Variants in ADK observed in about 807,000 individuals in gnomAD.
The protein encoded by ADK is adenosine kinase, also known as N6,N6-dimethyladenosine kinase.
A neutral mutation model predicts 44.7 loss-of-function variants in ADK; 24 were observed. That is an observed-to-expected ratio of 0.54 (90% CI 0.39 to 0.76). The LOEUF (loss-of-function observed/expected upper bound fraction) is 0.76. ADK is among the 30% of genes least tolerant of loss of function. The pLI is 0.00. For missense variants in ADK, 321 were observed against 425.1 expected, an observed-to-expected ratio of 0.76 and a Z score of 2.15; for synonymous variants, 128 against 142.6, an observed-to-expected ratio of 0.90 and a Z score of 0.73.
intron 6 of ADK, among the ~76,000 whole-genome samples, chr10:74,451,885 T>A (rs896223896): frequency 8.5e-5 from 13 of 152,204 alleles, no homozygotes; most frequent in Admixed American, 8.5e-4. Flanking sequence ...ATGATTACAT[T>A]AATAATTATT....
intron 3 of ADK, among the ~76,000 whole-genome samples, chr10:74,294,968 A>G (rs1235307868): frequency 6.6e-6 from 1 of 151,796 alleles, no homozygotes; most frequent in Non-Finnish European, 1.5e-5. Context: ...TGATTCTCCC[A>G]CCTCAGCCTC....
intron 4 of ADK, among the ~76,000 whole-genome samples, chr10:74,362,247 G>A (rs912542963): frequency 1.3e-5 from 2 of 151,536 alleles, no homozygotes; most frequent in African/African-American, 4.8e-5. Context: ...AAGCTTGCTT[G>A]CTTCCTTTTC....
intron 6 of ADK, among the ~76,000 whole-genome samples, chr10:74,495,317 T>C (rs1479287953): frequency 6.6e-6 from 1 of 152,114 alleles, no homozygotes; most frequent in Non-Finnish European, 1.5e-5. Context: ...TTCTCTTTCA[T>C]TGAAGTTGAG....
intron 6 of ADK, among the ~76,000 whole-genome samples, chr10:74,431,467 A>G (rs1185257388): frequency 6.6e-6 from 1 of 152,172 alleles, no homozygotes; most frequent in African/African-American, 2.4e-5. Context: ...GAGGCCGGGC[A>G]TGGTGGCTCA....
At chr10:74,300,987 A>G (rs1198330492) in intron 3 of ADK, among the ~76,000 whole-genome samples, 1 of 152,250 alleles carries the variant, frequency 6.6e-6, no homozygotes, top group Non-Finnish European at 1.5e-5. Context: ...GTTACATTAG[A>G]AGTGATTAAT....
intron 7 of ADK, among the ~76,000 whole-genome samples, chr10:74,564,758 T>A (rs1850589776): frequency 6.6e-6 from 1 of 151,758 alleles, no homozygotes; most frequent in Non-Finnish European, 1.5e-5. Flanking sequence ...TAAATCCCTT[T>A]CCTGGAGAAT....
intron 1 of ADK, among the ~76,000 whole-genome samples, chr10:74,179,636 A>G (rs1406677040): frequency 1.3e-5 from 2 of 152,226 alleles, no homozygotes; most frequent in African/African-American, 2.4e-5. Context: ...TACCCTATAT[A>G]GTCTAAAAAG....
At chr10:74,564,100 G>A (rs1223507168) in intron 7 of ADK, among the ~76,000 whole-genome samples, 1 of 140,290 alleles carries the variant, frequency 7.1e-6, no homozygotes, top group African/African-American at 2.7e-5. Context: ...GTGTCCATGT[G>A]TTCTCATTGT....
intron 2 of ADK, among the ~76,000 whole-genome samples, chr10:74,222,577 C>G (rs34492397): frequency 6.6e-6 from 1 of 152,052 alleles, no homozygotes; most frequent in Non-Finnish European, 1.5e-5. Flanking sequence ...TTTATTGCGG[C>G]GCTATTAACA....
intron 9 of ADK, among the ~76,000 whole-genome samples, chr10:74,612,815 G>A (rs1274281670): frequency 2.6e-5 from 4 of 152,016 alleles, no homozygotes; most frequent in Admixed American, 6.6e-5. Context: ...ATGGTGAGAG[G>A]TAGGGGTCCA....
At chr10:74,175,252 C>T (rs1471687285) in intron 1 of ADK, among the ~76,000 whole-genome samples, 3 of 151,900 alleles carry the variant, frequency 2.0e-5, no homozygotes, top group East Asian at 1.9e-4. Flanking sequence ...GGTACGGTGG[C>T]GCATGCCTGT....
intron 6 of ADK, among the ~76,000 whole-genome samples, chr10:74,427,324 G>A (rs373690330): frequency 7.2e-5 from 11 of 151,960 alleles, no homozygotes; most frequent in East Asian, 5.8e-4. Flanking sequence ...TCAGCTTCCC[G>A]AGTAGCTGGG....
At chr10:74,372,154 AG>A (rs1564682216) in intron 4 of ADK, 3 of 752,236 alleles carry the variant, frequency 4.0e-6, no homozygotes, top group Non-Finnish European at 7.3e-6. Flanking sequence ...GATCCTAAAG[AG>A]ACTGAAAAAG....
intron 1 of ADK, among the ~76,000 whole-genome samples, chr10:74,159,597 AT>A (rs540245325): frequency 4.9e-4 from 72 of 146,722 alleles, no homozygotes; most frequent in Middle Eastern, 3.6e-3. Context: ...AGTCCATCTA[AT>A]TTTTTTTTTT....
intron 4 of ADK, among the ~76,000 whole-genome samples, chr10:74,364,492 T>G (rs1564677779): frequency 6.6e-6 from 1 of 152,202 alleles, no homozygotes; most frequent in Admixed American, 6.5e-5. Context: ...CTGACTTATC[T>G]CTGGCATTTA....
rs577604825 is a variant in ADK at position 74,213,840 on chromosome 10, A to T, written c.141-10698A>T. Among the ~76,000 whole-genome samples the T allele has an allele frequency of 2.2e-4, 33 of 152,352 alleles. No individual in the cohort carries two copies. The South Asian group carries it at 6.4e-3, about 30-fold the overall frequency. On this transcript the variant is annotated intron_variant, in intron 2 of 10. Transcript: ENST00000539909. ...GTATTAGCAAATAAATGGGAGGTTG[A>T]TATAACATGGGCCGGTTTTGCTGAT...
At chr10:74,355,672 C>A (rs1327808759) in intron 4 of ADK, among the ~76,000 whole-genome samples, 1 of 152,100 alleles carries the variant, frequency 6.6e-6, no homozygotes, top group African/African-American at 2.4e-5. Flanking sequence ...TTATTCAGGA[C>A]CATTTGCTTT....
At chr10:74,154,228 C>T (rs1377752782) in intron 1 of ADK, among the ~76,000 whole-genome samples, 2 of 152,070 alleles carry the variant, frequency 1.3e-5, no homozygotes, top group Admixed American at 6.6e-5. Flanking sequence ...TGTGTCCTTT[C>T]TATCTCTGTG....
chr10:74,426,946 C>T (rs1240910346), intron 6 of ADK, among the ~76,000 whole-genome samples: 1 of 152,092 alleles, frequency 6.6e-6, no homozygotes. Flanking sequence ...CCCCTAACCC[C>T]CCAAGCCTCA....
Sources: allele counts gnomAD v4.1 joint callset (sites outside exome capture counted in the v4.1 genomes callset), GRCh38; gene constraint gnomAD v4.1.1; transcripts MANE v1.5; gene names NCBI Gene and HGNC (gene_info 2026-07-23, HGNC 2026-07-21).